The following MPPED1 variants were observed in gnomAD, a reference collection of about 807,000 sequenced individuals.
MPPED1 encodes the protein metallophosphoesterase domain containing 1.
A neutral mutation model predicts 36.2 loss-of-function variants in MPPED1; 16 were observed. The ratio of observed to expected loss-of-function variants is 0.44; its 90% CI spans 0.30 to 0.67. The LOEUF is 0.67. Ranked by LOEUF, MPPED1 falls within the 30% of genes least tolerant of loss-of-function variation. MPPED1 has a pLI of 0.10. For missense variants in MPPED1, 307 were observed against 453.4 expected (o/e 0.68, Z 2.93); for synonymous variants, 199 against 191.3 (o/e 1.04, Z -0.33).
rs767878664 is a variant in MPPED1, at chr22:43,435,109, G to C, written c.300G>C (p.Ser100=). The C allele has an allele frequency of 2.5e-6, 4 of 1,613,730 alleles. No homozygotes were observed. Among genetic ancestry groups the C allele is most frequent in the Non-Finnish European group, 2.5e-6 (3 of 1,179,906 alleles). The part of the protein sequence containing the change: ...TRFVCVSDTH[S]RTDPIQMPYG... ...TCGTCTGCGTCTCTGATACCCACTC[G>C]AGGACGGACCCCATCCAGATGCCGT... The change falls in exon 3 of 7, where the codon TCG becomes TCC. Residue 100 remains serine, a synonymous_variant. Transcript: ENST00000443721.
At chr22:43,489,051 G>T (rs1932003605) in intron 4 of MPPED1, among the ~76,000 whole-genome samples, 1 of 152,166 alleles carries the variant, frequency 6.6e-6, no homozygotes, top group Admixed American at 6.5e-5. Context: ...GGCTGACTGG[G>T]CCCCTGGAGC....
chr22:43,434,421 A>G (rs1929878865), intron 2 of MPPED1, among the ~76,000 whole-genome samples: 1 of 152,090 alleles, frequency 6.6e-6, no homozygotes, highest in Non-Finnish European at 1.5e-5. Flanking sequence ...TGCGCTGCAC[A>G]GCCCGGGCAG....
chr22:43,419,907 C>T (rs1288375443), intron 1 of MPPED1, among the ~76,000 whole-genome samples: 3 of 151,986 alleles, frequency 2.0e-5, no homozygotes, highest in African/African-American at 7.3e-5. Context: ...ACTCACAGTA[C>T]CCAAGGAACA....
chr22:43,447,518 T>C (rs986865774), intron 3 of MPPED1, among the ~76,000 whole-genome samples: 3 of 152,016 alleles, frequency 2.0e-5, no homozygotes, highest in African/African-American at 7.2e-5. Context: ...CTCCTGCACC[T>C]GCACTCAGCA....
chr22:43,420,657 G>A (rs1040737187), intron 1 of MPPED1, among the ~76,000 whole-genome samples: 6 of 152,032 alleles, frequency 3.9e-5, no homozygotes, highest in Non-Finnish European at 5.9e-5. Flanking sequence ...CCGCCTCGGC[G>A]TCCCAAAGTG....
chr22:43,474,517 T>A lies in MPPED1; in HGVS notation c.407-219T>A, dbSNP rs1190783552. On this transcript the variant is annotated intron_variant, in intron 3 of 6. Transcript: ENST00000443721. The surrounding 1 kb of genome is among the most constrained non-coding windows in gnomAD (Gnocchi z 5.2). ...CCTCTCTCAGCCATGCTGTGGCTTCTGGACAAGCTGACAGCTGTGTGCTGT... is the reference window on the plus strand; with the variant it reads ...CCTCTCTCAGCCATGCTGTGGCTTCAGGACAAGCTGACAGCTGTGTGCTGT... 6.6e-6 allele frequency among the ~76,000 whole-genome samples: 1 copy of A among 152,224 alleles called. No individual in the cohort carries two copies. Among genetic ancestry groups the A allele is most frequent in the Non-Finnish European group, 1.5e-5 (1 of 68,046 alleles).
chr22:43,471,016 G>GCC (rs1931357007), intron 3 of MPPED1, among the ~76,000 whole-genome samples: 1 of 152,226 alleles, frequency 6.6e-6, no homozygotes, highest in Non-Finnish European at 1.5e-5. Flanking sequence ...TGGGCCTTGT[G>GCC]CCCCATCCAC....
chr22:43,415,208 G>A (rs1446415663), intron 1 of MPPED1, among the ~76,000 whole-genome samples: 1 of 69,294 alleles, frequency 1.4e-5, no homozygotes, highest in Non-Finnish European at 2.8e-5. Flanking sequence ...TTGAAGAGGT[G>A]ACTAAAATGT....
At chr22:43,466,634 A>C (rs916312129) in intron 3 of MPPED1, among the ~76,000 whole-genome samples, 3 of 141,098 alleles carry the variant, frequency 2.1e-5, no homozygotes, top group African/African-American at 7.4e-5. Context: ...AGATACAGCA[A>C]ATAACTACAC....
intron 4 of MPPED1, among the ~76,000 whole-genome samples, chr22:43,479,378 G>A (rs1435879937): frequency 1.3e-5 from 2 of 152,242 alleles, no homozygotes; most frequent in Admixed American, 1.3e-4. Flanking sequence ...GCTGCAGCTG[G>A]ACATGTGGGC....
intron 4 of MPPED1, among the ~76,000 whole-genome samples, chr22:43,495,040 G>A (rs1295454980): frequency 6.6e-6 from 1 of 152,018 alleles, no homozygotes; most frequent in Non-Finnish European, 1.5e-5. Flanking sequence ...AGCACCTTGG[G>A]GATTAGATTT....
At chr22:43,438,745 G>C (rs73887307) in intron 3 of MPPED1, among the ~76,000 whole-genome samples, 2 of 152,072 alleles carry the variant, frequency 1.3e-5, no homozygotes, top group Non-Finnish European at 2.9e-5. Flanking sequence ...AACGCTCCTG[G>C]GTGTCTGGTG....
Position 43,500,244 on chromosome 22 carries a change from GCAGTGATGA to G in MPPED1, c.748+1895_748+1903del, listed in dbSNP as rs1322956264. Reference sequence around the variant, plus strand: ...GATGGTGGAGGTGGTGATGGAGGTGGCAGTGATGATGGTGGTGATGGTGATGGAGGTGGC... The same window carrying G: ...GATGGTGGAGGTGGTGATGGAGGTGGTGGTGGTGATGGTGATGGAGGTGGC... On this transcript the variant is annotated intron_variant, in intron 5 of 6. Transcript: ENST00000443721. Among the ~76,000 whole-genome samples, 114 of 125,042 alleles carry G rather than the reference GCAGTGATGA, an allele frequency of 9.1e-4. 1 individual carries two copies. The highest frequency in any genetic ancestry group is 1.3e-3 in the African/African-American group (35 of 27,922). 82.0% of individuals were successfully genotyped at this position (125,042 alleles called of 152,430 possible). A position where few individuals can be genotyped will look rare whatever the true frequency, so the allele number is the denominator to read the frequency against.
At position 43,487,517 on chromosome 22, in the gene MPPED1, C is replaced by T. The variant is rs140897616; in HGVS notation, c.633-10718C>T. On this transcript the variant is annotated intron_variant, in intron 4 of 6. Transcript: ENST00000443721. ...GGAAGCAGCAGGGAGCCATGGGAGG[C>T]GCTGGAGTGGAGGAATGACATGCAG... Among the ~76,000 whole-genome samples the T allele has an allele frequency of 2.2e-4, 34 of 152,186 alleles. No individual in the cohort carries two copies. In the East Asian group the frequency reaches 2.9e-3, roughly 13 times the overall value.
At position 43,474,024 on chromosome 22, in the gene MPPED1, A is replaced by T. The variant is rs1931462832; in HGVS notation, c.407-712A>T. Among the ~76,000 whole-genome samples, 1 of 152,206 alleles carries T rather than the reference A, an allele frequency of 6.6e-6. No homozygotes were observed. Among genetic ancestry groups the T allele is most frequent in the Non-Finnish European group, 1.5e-5 (1 of 68,032 alleles). ...CCATCTAGATTTTGTTTTGGCTTTGAATTTCCATGGCAGTAGGGGTGGGTA... is the reference window on the plus strand; with the variant it reads ...CCATCTAGATTTTGTTTTGGCTTTGTATTTCCATGGCAGTAGGGGTGGGTA... On this transcript the variant is annotated intron_variant, in intron 3 of 6. Transcript: ENST00000443721. The surrounding 1 kb of genome is among the most constrained non-coding windows in gnomAD (Gnocchi z 5.2).
chr22:43,440,652 G>T (rs1382409895), intron 3 of MPPED1, among the ~76,000 whole-genome samples: 2 of 152,152 alleles, frequency 1.3e-5, no homozygotes, highest in African/African-American at 4.8e-5. Context: ...CAGGTGCCAG[G>T]CTGGCCTCCC....
intron 4 of MPPED1, among the ~76,000 whole-genome samples, chr22:43,475,679 TGTGGTGATGGTGATGATG>T (rs1273033359): frequency 2.1e-5 from 1 of 46,908 alleles, no homozygotes; most frequent in Non-Finnish European, 4.5e-5. Context: ...GTGATGGTGA[TGTGGTGATGGTGATGATG>T]GTGGTGGTGA....
At chr22:43,500,371 G>A (rs867971307) in intron 5 of MPPED1, among the ~76,000 whole-genome samples, 168 of 119,476 alleles carry the variant, frequency 1.4e-3, no homozygotes, top group African/African-American at 4.5e-3. Context: ...GTGGTGATGG[G>A]GGTGGTGGTG....
chr22:43,454,290 T>G (rs1188400028), intron 3 of MPPED1, among the ~76,000 whole-genome samples: 2 of 151,748 alleles, frequency 1.3e-5, no homozygotes, highest in Admixed American at 6.6e-5. Flanking sequence ...ATTACAGGTA[T>G]GAGCCACTGT....
Sources: allele counts gnomAD v4.1 joint callset (sites outside exome capture counted in the v4.1 genomes callset), GRCh38; gene constraint gnomAD v4.1.1; non-coding constraint Gnocchi (gnomAD v3.1); transcripts MANE v1.5; gene names NCBI Gene and HGNC (gene_info 2026-07-23, HGNC 2026-07-21).